MAGI1: variants seen among roughly 807,000 people sequenced by gnomAD.
MAGI1 encodes the protein membrane associated guanylate kinase, WW and PDZ domain containing 1.
A neutral mutation model predicts 139.9 loss-of-function variants in MAGI1; 58 were observed. That is an observed-to-expected ratio of 0.41 (90% confidence interval 0.34 to 0.52). MAGI1 has a LOEUF of 0.52. Ranked by LOEUF, MAGI1 falls within the 20% of genes least tolerant of loss-of-function variation. MAGI1 has a pLI of 0.12. For missense variants in MAGI1, 1,874 were observed against 1,901.6 expected, an observed-to-expected ratio of 0.99 and a Z score of 0.27; for synonymous variants, 812 against 737.9, an observed-to-expected ratio of 1.10 and a Z score of -1.63.
At chr3:65,892,784 C>A (rs946786710) in intron 1 of MAGI1, among the ~76,000 whole-genome samples, 13 of 152,178 alleles carry the variant, frequency 8.5e-5, no homozygotes, top group African/African-American at 2.6e-4. Flanking sequence ...TTCTTATGAC[C>A]AAGCTAGGTT....
chr3:65,825,087 C>G (rs577463198), intron 1 of MAGI1, among the ~76,000 whole-genome samples: 1 of 152,118 alleles, frequency 6.6e-6, no homozygotes, highest in African/African-American at 2.4e-5. Flanking sequence ...ATGTATGAAG[C>G]GCTCTTAGAA....
chr3:65,919,144 A>G (rs2062047299), intron 1 of MAGI1, among the ~76,000 whole-genome samples: 1 of 152,230 alleles, frequency 6.6e-6, no homozygotes. Context: ...TTTCCTTTGG[A>G]GAACACTAAA....
At chr3:66,001,658 T>C (rs1429765483) in intron 1 of MAGI1, among the ~76,000 whole-genome samples, 1 of 152,170 alleles carries the variant, frequency 6.6e-6, no homozygotes, top group Non-Finnish European at 1.5e-5. Flanking sequence ...CAACCCTATA[T>C]AATGCAGAAA....
At chr3:65,881,909 C>G (rs1295686647) in intron 1 of MAGI1, among the ~76,000 whole-genome samples, 11 of 152,262 alleles carry the variant, frequency 7.2e-5, no homozygotes, top group Non-Finnish European at 1.5e-4. Flanking sequence ...GGAAACGGCC[C>G]TAGCTAGGCA....
chr3:65,401,432 T>A lies in MAGI1; in HGVS notation c.2199+7A>T. On this transcript the variant is annotated splice_region_variant and intron_variant, in intron 13 of 22. Coordinates refer to ENST00000402939, the MANE Select transcript of MAGI1 (RefSeq NM_001033057.2). Reference sequence around the variant, plus strand: ...CAACAAGCACCAAGTAACTGACAAGTCCTTACCGACTTTGGGCTCTTCTTG... The same window carrying A: ...CAACAAGCACCAAGTAACTGACAAGACCTTACCGACTTTGGGCTCTTCTTG... 1 of 1,551,088 alleles carries A rather than the reference T, an allele frequency of 6.4e-7. No homozygotes were observed. The highest frequency in any genetic ancestry group is 8.7e-7 in the Non-Finnish European group (1 of 1,146,900).
At chr3:65,773,904 G>A (rs1372200893) in intron 1 of MAGI1, among the ~76,000 whole-genome samples, 4 of 151,878 alleles carry the variant, frequency 2.6e-5, no homozygotes, top group African/African-American at 7.3e-5. Context: ...AGTTACTTGT[G>A]GTTGCTGAAC....
At chr3:65,724,348 A>G (rs926320851) in intron 1 of MAGI1, among the ~76,000 whole-genome samples, 1 of 152,250 alleles carries the variant, frequency 6.6e-6, no homozygotes, top group Admixed American at 6.5e-5. Flanking sequence ...GCAGTCTAGA[A>G]GACAGCCCTT....
intron 14 of MAGI1, among the ~76,000 whole-genome samples, chr3:65,384,686 T>C (rs958909070): frequency 1.4e-4 from 21 of 152,068 alleles, no homozygotes; most frequent in Non-Finnish European, 8.8e-5. Context: ...TGAGCCATGA[T>C]TGCCCCAGTG....
At chr3:65,777,343 T>C (rs775504910) in intron 1 of MAGI1, among the ~76,000 whole-genome samples, 7 of 152,306 alleles carry the variant, frequency 4.6e-5, no homozygotes, top group Non-Finnish European at 1.0e-4. Context: ...CCATTTGTGA[T>C]GTACTTAGAC....
intron 1 of MAGI1, among the ~76,000 whole-genome samples, chr3:65,883,347 C>T (rs2060410141): frequency 6.6e-6 from 1 of 152,084 alleles, no homozygotes; most frequent in Admixed American, 6.6e-5. Context: ...CTAGCAAATT[C>T]CAGTCTAAAA....
intron 12 of MAGI1, among the ~76,000 whole-genome samples, chr3:65,425,133 CAAA>C (rs72130952): frequency 1.3e-5 from 1 of 74,832 alleles, no homozygotes; most frequent in Non-Finnish European, 2.9e-5. Context: ...AAAAAAAAAA[CAAA>C]AAAAAACACA....
intron 1 of MAGI1, among the ~76,000 whole-genome samples, chr3:65,790,747 T>C (rs1012738512): frequency 2.6e-5 from 4 of 152,188 alleles, no homozygotes; most frequent in African/African-American, 9.7e-5. Context: ...ATGCTTGTGC[T>C]TTTCGGTTCT....
chr3:65,985,946 T>A (rs1354408669), intron 1 of MAGI1, among the ~76,000 whole-genome samples: 1 of 152,220 alleles, frequency 6.6e-6, no homozygotes, highest in Non-Finnish European at 1.5e-5. Context: ...GAACTGTTAG[T>A]CAAGAAGAAT....
intron 1 of MAGI1, among the ~76,000 whole-genome samples, chr3:65,984,793 C>T (rs777310120): frequency 2.0e-5 from 3 of 151,150 alleles, no homozygotes; most frequent in Non-Finnish European, 4.4e-5. Flanking sequence ...AGTGATTCTC[C>T]AGCCTCAACG....
chr3:65,698,552 A>T (rs1228546473), intron 1 of MAGI1, among the ~76,000 whole-genome samples: 3 of 152,136 alleles, frequency 2.0e-5, no homozygotes, highest in Non-Finnish European at 4.4e-5. Context: ...AACAGAACAG[A>T]GCCCTCAGAA....
intron 1 of MAGI1, among the ~76,000 whole-genome samples, chr3:65,784,456 G>C (rs1255309850): frequency 6.6e-6 from 1 of 152,194 alleles, no homozygotes. Context: ...GTTGGCTCAC[G>C]CCTGTAATCC....
intron 13 of MAGI1, among the ~76,000 whole-genome samples, chr3:65,398,954 T>C (rs1250706657): frequency 6.6e-6 from 1 of 151,520 alleles, no homozygotes; most frequent in Non-Finnish European, 1.5e-5. Context: ...AAAAGATAAG[T>C]CCTTCTGTTC....
chr3:65,872,440 CTT>C (rs1258389322), intron 1 of MAGI1, among the ~76,000 whole-genome samples: 1 of 152,188 alleles, frequency 6.6e-6, no homozygotes. Flanking sequence ...ATCAATTTCT[CTT>C]TCTCTTTCCT....
intron 1 of MAGI1, among the ~76,000 whole-genome samples, chr3:65,825,156 CT>C (rs2042155379): frequency 6.6e-6 from 1 of 152,188 alleles, no homozygotes; most frequent in South Asian, 2.1e-4. Context: ...CCTGAGGTTA[CT>C]TTTGGGAAAA....
Sources: allele counts gnomAD v4.1 joint callset (sites outside exome capture counted in the v4.1 genomes callset), GRCh38; gene constraint gnomAD v4.1.1; transcripts MANE v1.5; gene names NCBI Gene and HGNC (gene_info 2026-07-23, HGNC 2026-07-21).